The following ADAM9 variants were observed in gnomAD, a reference collection of about 807,000 sequenced individuals.
ADAM9 encodes ADAM metallopeptidase domain 9.
ADAM9 carries 54 observed loss-of-function variants against 108.1 expected under a neutral mutation model. That is an observed-to-expected ratio of 0.50 (90% confidence interval 0.40 to 0.63). The LOEUF is 0.63. Ranked by LOEUF, ADAM9 falls within the 20% of genes least tolerant of loss-of-function variation. ADAM9 has a pLI of 0.00. For missense variants in ADAM9, 830 were observed against 997.7 expected, an observed-to-expected ratio of 0.83 and a Z score of 2.26; for synonymous variants, 316 against 336.0, an observed-to-expected ratio of 0.94 and a Z score of 0.65.
At chr8:39,056,547 T>G (rs1180792673) in intron 14 of ADAM9, among the ~76,000 whole-genome samples, 1 of 151,922 alleles carries the variant, frequency 6.6e-6, no homozygotes, top group African/African-American at 2.4e-5. Context: ...ATCCTCCCAA[T>G]AGTTAGGGCA....
intron 14 of ADAM9, among the ~76,000 whole-genome samples, chr8:39,061,744 C>T (rs530572761): frequency 6.6e-6 from 1 of 152,164 alleles, no homozygotes; most frequent in Admixed American, 6.5e-5. Flanking sequence ...CAAACGCACC[C>T]TTTTATAACA....
intron 11 of ADAM9, among the ~76,000 whole-genome samples, chr8:39,028,276 C>G (rs1836988395): frequency 6.6e-6 from 1 of 151,968 alleles, no homozygotes; most frequent in African/African-American, 2.4e-5. Context: ...GGGAAGCACT[C>G]AAGCAGAATT....
intron 3 of ADAM9, among the ~76,000 whole-genome samples, chr8:39,013,556 G>A (rs1490860168): frequency 6.7e-6 from 1 of 149,314 alleles, no homozygotes; most frequent in African/African-American, 2.5e-5. Flanking sequence ...AGGGTGGAGT[G>A]CAGAGGCATG....
At chr8:39,054,460 A>G (rs774346619) in intron 12 of ADAM9, 21 bp from the exon 13 acceptor site, 1 of 1,598,466 alleles carries the variant, frequency 6.3e-7, no homozygotes, top group Non-Finnish European at 8.6e-7. Flanking sequence ...TTCTTTATTG[A>G]CAGTCATTTT....
chr8:39,041,022 C>T (rs1187796087), intron 11 of ADAM9, among the ~76,000 whole-genome samples: 1 of 152,162 alleles, frequency 6.6e-6, no homozygotes, highest in Non-Finnish European at 1.5e-5. Context: ...TGAGGAAAAG[C>T]TCCTTGACAT....
At chr8:39,035,010 A>G (rs1168595829) in intron 11 of ADAM9, among the ~76,000 whole-genome samples, 2 of 152,152 alleles carry the variant, frequency 1.3e-5, no homozygotes, top group Non-Finnish European at 1.5e-5. Flanking sequence ...GTCTTTACAT[A>G]TTGCCTGTGT....
rs531275239 is a variant in ADAM9, at chr8:39,092,014, T to A, written c.2298+668T>A. 2.6e-4 allele frequency among the ~76,000 whole-genome samples: 39 copies of A among 152,340 alleles called. 1 individual carries two copies. The South Asian group carries it at 5.8e-3, about 23-fold the overall frequency. On this transcript the variant is annotated intron_variant, in intron 20 of 21. Transcript: ENST00000487273. ...CTGGTGCTGAGCTCTTGGATCGGCC[T>A]AATTGTCTAAGCTGTAGGACTGATA...
rs1196884579 is a variant in ADAM9 at position 39,023,305 on chromosome 8, T to C, written c.894T>C (p.His298=). The change falls in exon 9 of 22, where the codon CAT becomes CAC. Residue 298 remains histidine, a synonymous_variant. Coordinates refer to ENST00000487273, the MANE Select transcript of ADAM9 (RefSeq NM_003816.3). ...AGTTTCTTATCACACGTCGGAGACA[T>C]GACAGTGCACAGCTAGTTCTGTAAG... is the stretch of plus-strand genomic sequence containing the variant. ...REKFLITRRR[H]DSAQLVLKKG... 4 of 1,613,072 alleles carry C rather than the reference T, an allele frequency of 2.5e-6. No homozygotes were observed. The East Asian group carries it at 6.7e-5, about 27-fold the overall frequency.
chr8:39,014,665 A>G (rs1836467832), intron 4 of ADAM9: 1 of 677,350 alleles, frequency 1.5e-6, no homozygotes. Flanking sequence ...TAGGTATTAT[A>G]CCTTTTTTTC....
intron 2 of ADAM9, among the ~76,000 whole-genome samples, chr8:39,009,789 T>C (rs573183786): frequency 6.6e-6 from 1 of 151,500 alleles, no homozygotes; most frequent in East Asian, 1.9e-4. Flanking sequence ...TATTGTATGC[T>C]AGGCACCATT....
chr8:39,071,986 A>G (rs1838711062), intron 15 of ADAM9, among the ~76,000 whole-genome samples: 1 of 152,202 alleles, frequency 6.6e-6, no homozygotes, highest in East Asian at 1.9e-4. Flanking sequence ...CCAACTAAAC[A>G]CCATTTTCAT....
At chr8:39,097,347 C>T (rs1341198177) in intron 20 of ADAM9, among the ~76,000 whole-genome samples, 1 of 151,134 alleles carries the variant, frequency 6.6e-6, no homozygotes, top group Non-Finnish European at 1.5e-5. Flanking sequence ...TTCTCGGTTG[C>T]CCAGGCTGGA....
At chr8:39,098,960 T>C (rs1261212437) in intron 20 of ADAM9, among the ~76,000 whole-genome samples, 2 of 152,162 alleles carry the variant, frequency 1.3e-5, no homozygotes, top group South Asian at 2.1e-4. Flanking sequence ...TTTGTTGATA[T>C]ATATATATTT....
chr8:39,061,346 AAGGTGGGTTCAGGGACCCACT>A (rs1391053896), intron 14 of ADAM9, among the ~76,000 whole-genome samples: 1 of 152,222 alleles, frequency 6.6e-6, no homozygotes, highest in East Asian at 1.9e-4. Flanking sequence ...AAAAACCCAC[AAGGTGGGTTCAGGGACCCACT>A]AGGCCTGCTG....
At chr8:39,012,757 G>C (rs1204055067) in intron 3 of ADAM9, among the ~76,000 whole-genome samples, 1 of 152,096 alleles carries the variant, frequency 6.6e-6, no homozygotes. Flanking sequence ...GAGAACACTT[G>C]GACACAGGAA....
chr8:39,088,701 T>C (rs1052262305), intron 18 of ADAM9, among the ~76,000 whole-genome samples: 1 of 152,192 alleles, frequency 6.6e-6, no homozygotes, highest in Non-Finnish European at 1.5e-5. Context: ...TTGTAAAAGT[T>C]CTAATGAAAC....
Position 39,055,619 on chromosome 8 carries a change from T to C in ADAM9, c.1438T>C (p.Cys480Arg). ...GTLCRGKTSE[C>R]DVPEYCNGSS... is the part of the protein sequence containing the mutation. The stretch of plus-strand genomic sequence containing the variant: ...TTTATGCCGAGGAAAAACCAGTGAG[T>C]GTGATGTTCCAGAGTACTGCAATGG... Residue 480 changes from cysteine to arginine, a missense_variant, in exon 14 of 22, where the codon TGT (cysteine) becomes CGT (arginine). Transcript: ENST00000487273. 1 of 1,613,762 alleles carries C rather than the reference T, an allele frequency of 6.2e-7. No individual in the cohort carries two copies. Among genetic ancestry groups the C allele is most frequent in the Non-Finnish European group, 8.5e-7 (1 of 1,179,734 alleles).
chr8:39,043,381 ATTC>A (rs1466253907), intron 12 of ADAM9, among the ~76,000 whole-genome samples: 4 of 152,172 alleles, frequency 2.6e-5, no homozygotes, highest in Non-Finnish European at 5.9e-5. Context: ...ACCATTTTGC[ATTC>A]TTCCCAACAG....
At chr8:39,046,606 G>A (rs1837782997) in intron 12 of ADAM9, among the ~76,000 whole-genome samples, 1 of 151,984 alleles carries the variant, frequency 6.6e-6, no homozygotes, top group Non-Finnish European at 1.5e-5. Context: ...TTTCATATAT[G>A]GCCTAATTAT....
Sources: gnomAD v4.1 joint callset for allele counts (sites outside exome capture counted in the v4.1 genomes callset) on GRCh38, gnomAD v4.1.1 for gene constraint, MANE v1.5 for transcripts, NCBI Gene and HGNC (gene_info 2026-07-23, HGNC 2026-07-21) for gene names.